Variants in SCEL observed in about 807,000 individuals in gnomAD.
The protein encoded by SCEL is sciellin.
SCEL carries 113 observed loss-of-function variants against 117.6 expected under a neutral mutation model. The ratio of observed to expected loss-of-function variants is 0.96; its 90% CI spans 0.83 to 1.12. The LOEUF (loss-of-function observed/expected upper bound fraction) is 1.12. Among genes scored for constraint, SCEL ranks in the 50% most tolerant of loss-of-function variants. SCEL has a pLI of 0.00. For synonymous variants in SCEL, 270 were observed against 256.2 expected, an observed-to-expected ratio of 1.05 and a Z score of -0.51; for missense variants, 785 against 810.8, an observed-to-expected ratio of 0.97 and a Z score of 0.39.
At chr13:77,586,595 C>T (rs1035402808) in intron 9 of SCEL, among the ~76,000 whole-genome samples, 6 of 152,134 alleles carry the variant, frequency 3.9e-5, no homozygotes, top group Non-Finnish European at 5.9e-5. Context: ...GAATTGTAAA[C>T]GTGGCTAATG....
intron 28 of SCEL, 34 bp downstream of exon 28, chr13:77,628,043 G>A (rs2089837291): frequency 4.8e-6 from 5 of 1,042,040 alleles, no homozygotes; most frequent in Non-Finnish European, 1.4e-6. Flanking sequence ...TTTTTCTTAT[G>A]AGTTCTATAT....
Position 77,537,453 on chromosome 13 carries a change from G to T in SCEL, c.-20+1629G>T, listed in dbSNP as rs141574775. Among the ~76,000 whole-genome samples, 16 of 152,322 alleles carry T rather than the reference G, an allele frequency of 1.1e-4. 1 individual carries two copies. Among genetic ancestry groups the T allele is most frequent in the African/African-American group, 3.8e-4 (16 of 41,570 alleles). ...AATAAATGAGCCACACTCCATCACAGACTGTGGTTACCCAGCACATGTGGA... is the reference window on the plus strand; with the variant it reads ...AATAAATGAGCCACACTCCATCACATACTGTGGTTACCCAGCACATGTGGA... On this transcript the variant is annotated intron_variant, in intron 1 of 32. Coordinates refer to ENST00000349847, the MANE Select transcript of SCEL (RefSeq NM_144777.3).
chr13:77,629,693 C>A (rs1476648990), intron 28 of SCEL, among the ~76,000 whole-genome samples: 1 of 152,102 alleles, frequency 6.6e-6, no homozygotes, highest in African/African-American at 2.4e-5. Flanking sequence ...TTTATTTAAC[C>A]TGTGATCGGA....
rs756971483 is a variant in SCEL, at chr13:77,603,065, T to C, written c.1038-11T>C. 1.7e-5 allele frequency: 26 copies of C among 1,494,854 alleles called. No homozygotes were observed. In the Admixed American group the frequency reaches 5.5e-4, roughly 32 times the overall value. The allele number at this position is 1,494,854 out of a possible 1,614,324, so 92.6% of individuals were successfully genotyped here. A position where few individuals can be genotyped will look rare whatever the true frequency, so the allele number is the denominator to read the frequency against. ...ATGTTTTGAAACTGATATAAACTTTTTTTTTTAAAGAAGTGAAGACCTTGA... is the reference window on the plus strand; with the variant it reads ...ATGTTTTGAAACTGATATAAACTTTCTTTTTTAAAGAAGTGAAGACCTTGA... On this transcript the variant is annotated splice_polypyrimidine_tract_variant and intron_variant, in intron 17 of 32. Coordinates refer to ENST00000349847, the MANE Select transcript of SCEL (RefSeq NM_144777.3).
At position 77,604,351 on chromosome 13, in the gene SCEL, C is replaced by T. The variant is rs2087954121; in HGVS notation, c.1098-5C>T. 1 of 1,536,804 alleles carries T rather than the reference C, an allele frequency of 6.5e-7. No homozygotes were observed. The highest frequency in any genetic ancestry group is 1.4e-5 in the African/African-American group (1 of 71,078). ...ATTCATTAAAATTAATTTCCTTTTT[C>T]AAAGAAAAAAAGACCTTGATGGGCT... On this transcript the variant is annotated splice_region_variant and splice_polypyrimidine_tract_variant and intron_variant, in intron 18 of 32. Coordinates refer to ENST00000349847, the MANE Select transcript of SCEL (RefSeq NM_144777.3).
chr13:77,608,741 G>C (rs2088417113), intron 20 of SCEL, among the ~76,000 whole-genome samples: 1 of 152,186 alleles, frequency 6.6e-6, no homozygotes, highest in South Asian at 2.1e-4. Context: ...TATAGCATTA[G>C]ATGGAATGCT....
intron 1 of SCEL, among the ~76,000 whole-genome samples, chr13:77,545,796 G>C (rs1032953540): frequency 6.6e-6 from 1 of 152,224 alleles, no homozygotes; most frequent in Non-Finnish European, 1.5e-5. Flanking sequence ...GATGCCAAAA[G>C]GGAAAGAAAG....
intron 13 of SCEL, 88 bp from the exon 14 acceptor site, chr13:77,599,241 T>C: frequency 1.1e-6 from 1 of 870,540 alleles, no homozygotes; most frequent in Non-Finnish European, 1.8e-6. Context: ...CTGTTTCCTG[T>C]CTTAGATGTA....
chr13:77,589,150 A>T lies in SCEL; in HGVS notation c.552A>T (p.Pro184=). ...SSSTGTRRRE[P]GVHPPIPPKP... is the part of the protein sequence containing the mutation. ...GCTGTTTTCTGTTTTAAAGGGAACCAGGTGTTCACCCTCCAATACCTCCAA... is the reference window on the plus strand; with the variant it reads ...GCTGTTTTCTGTTTTAAAGGGAACCTGGTGTTCACCCTCCAATACCTCCAA... The change falls in exon 10 of 33, where the codon CCA becomes CCT. Residue 184 remains proline (P), a synonymous_variant. Transcript: ENST00000349847. 6.2e-7 allele frequency: 1 copy of T among 1,612,048 alleles called. No homozygotes were observed. The highest frequency in any genetic ancestry group is 8.5e-7 in the Non-Finnish European group (1 of 1,178,364).
intron 9 of SCEL, among the ~76,000 whole-genome samples, chr13:77,581,264 A>G (rs528638762): frequency 6.6e-5 from 10 of 152,330 alleles, no homozygotes; most frequent in Admixed American, 3.9e-4. Context: ...CAAAATAATT[A>G]AAATATTAGC....
At chr13:77,537,420 G>T (rs2083466773) in intron 1 of SCEL, among the ~76,000 whole-genome samples, 1 of 152,130 alleles carries the variant, frequency 6.6e-6, no homozygotes, top group South Asian at 2.1e-4. Context: ...CATAAAATAT[G>T]TAGTAGCAAT....
chr13:77,630,443 T>C lies in SCEL; in HGVS notation c.1691+2434T>C, dbSNP rs188482117. 1.4e-4 allele frequency among the ~76,000 whole-genome samples: 22 copies of C among 152,334 alleles called. No individual in the cohort carries two copies. In the East Asian group the frequency reaches 3.9e-3, roughly 27 times the overall value. ...TATTCATCACCTGATGACATTTGGA[T>C]TGTTTCACTATTGGGTTTTAATTCA... is the stretch of plus-strand genomic sequence containing the variant. On this transcript the variant is annotated intron_variant, in intron 28 of 32. Coordinates refer to ENST00000349847, the MANE Select transcript of SCEL (RefSeq NM_144777.3).
chr13:77,613,006 T>G, intron 23 of SCEL, 65 bp downstream of exon 23: 1 of 924,552 alleles, frequency 1.1e-6, no homozygotes, highest in Non-Finnish European at 1.7e-6. Context: ...AAAATAAGAT[T>G]AATTATTTAA....
chr13:77,627,675 A>G (rs1038255026), intron 27 of SCEL, among the ~76,000 whole-genome samples: 3 of 152,128 alleles, frequency 2.0e-5, no homozygotes, highest in Non-Finnish European at 4.4e-5. Flanking sequence ...GAATGTTAAT[A>G]AAAATTAGTG....
rs187519241 is a variant in SCEL at position 77,592,755 on chromosome 13, G to C, written c.693-759G>C. ...AAAAGAAATTTGTATGTGGAGATGG[G>C]GATCTCCCTTTGATGCCCAGGCTAA... On this transcript the variant is annotated intron_variant, in intron 11 of 32. Coordinates refer to ENST00000349847, the MANE Select transcript of SCEL (RefSeq NM_144777.3). 7.2e-5 allele frequency among the ~76,000 whole-genome samples: 11 copies of C among 151,826 alleles called. No homozygotes were observed. The East Asian group carries it at 2.1e-3, about 29-fold the overall frequency.
At chr13:77,611,485 A>G (rs2088637948) in intron 22 of SCEL, among the ~76,000 whole-genome samples, 1 of 152,170 alleles carries the variant, frequency 6.6e-6, no homozygotes, top group Non-Finnish European at 1.5e-5. Context: ...CAGAGACCAT[A>G]TAATTACATT....
chr13:77,602,826 G>A (rs1359405638), intron 17 of SCEL, 113 bp downstream of exon 17: 12 of 878,176 alleles, frequency 1.4e-5, no homozygotes, highest in Non-Finnish European at 2.2e-5. Context: ...CTAATCCCTG[G>A]TGCCCTGATC....
chr13:77,599,916 A>G (rs1304444151), intron 15 of SCEL, 168 bp downstream of exon 15: 1 of 590,270 alleles, frequency 1.7e-6, no homozygotes, highest in Non-Finnish European at 3.0e-6. Context: ...ACCAACATCA[A>G]TCTGGGTGAC....
chr13:77,611,253 GT>G (rs1399096456), intron 22 of SCEL, among the ~76,000 whole-genome samples: 2 of 152,154 alleles, frequency 1.3e-5, no homozygotes, highest in Non-Finnish European at 2.9e-5. Flanking sequence ...GCATGGCTGC[GT>G]TTCAATAAAA....
Sources: gnomAD v4.1 joint callset for allele counts (sites outside exome capture counted in the v4.1 genomes callset) on GRCh38, gnomAD v4.1.1 for gene constraint, MANE v1.5 for transcripts, NCBI Gene and HGNC (gene_info 2026-07-23, HGNC 2026-07-21) for gene names.